ETFA: variants seen among roughly 807,000 people sequenced by gnomAD.
ETFA encodes electron transfer flavoprotein subunit alpha, mitochondrial.
In ETFA, 22 loss-of-function variants were observed where a neutral mutation model predicts 46.2. That is an observed-to-expected ratio of 0.48 (90% CI 0.34 to 0.68). ETFA has a LOEUF of 0.68. Among genes scored for constraint, ETFA ranks in the 30% least tolerant of loss-of-function variants. The pLI, the probability that ETFA is intolerant of heterozygous loss-of-function variation, is 0.01. For missense variants in ETFA, 345 were observed against 401.1 expected (o/e 0.86, Z 1.19); for synonymous variants, 131 against 139.9 (o/e 0.94, Z 0.45).
In ETFA at chr15:76,274,356, C is replaced by T. The variant is rs370465072; in HGVS notation, c.816+56G>A. 5.4e-4 allele frequency: 704 copies of T among 1,300,034 alleles called. 1 individual carries two copies. The African/African-American group carries it at 9.0e-3, about 17-fold the overall frequency. The allele number at this position is 1,300,034 out of a possible 1,614,324, so 80.5% of individuals were successfully genotyped here. ...CACTGAGATCACTGTTCAACAAATACATACAGTACTTATCCCCATAACATT... is the reference window on the plus strand; with the variant it reads ...CACTGAGATCACTGTTCAACAAATATATACAGTACTTATCCCCATAACATT... On this transcript the variant is annotated intron_variant, in intron 9 of 11. Coordinates refer to ENST00000557943, the MANE Select transcript of ETFA (RefSeq NM_000126.4).
chr15:76,289,105 G>GA (rs1555458868), intron 4 of ETFA, among the ~76,000 whole-genome samples: 2,199 of 151,826 alleles, frequency 0.014, 52 homozygotes, highest in African/African-American at 0.051. Flanking sequence ...TTTATGTTTT[G>GA]TTTTTTTCTG....
At position 76,311,458 on chromosome 15, in the gene ETFA, CAGTCACCTA is replaced by C. The variant is rs2039998333; in HGVS notation, c.-79_-71del. ...CCCGGCCAACTGGCGCCGCCTCAGC[CAGTCACCTA>C]ATGCTCGCGAGACGCGCGAACGAGA... is the stretch of plus-strand genomic sequence containing the variant. On this transcript the variant is annotated 5_prime_UTR_variant, in exon 1 of 12. It adds an upstream start codon to the 5' untranslated region. Coordinates refer to ENST00000557943, the MANE Select transcript of ETFA (RefSeq NM_000126.4). The C allele has an allele frequency of 2.0e-6, 3 of 1,528,884 alleles. No homozygotes were observed. Among genetic ancestry groups the C allele is most frequent in the Non-Finnish European group, 2.6e-6 (3 of 1,135,066 alleles). The allele number at this position is 1,528,884 out of a possible 1,614,324, so 94.7% of individuals were successfully genotyped here. A position where few individuals can be genotyped will look rare whatever the true frequency, so the allele number is the denominator to read the frequency against.
chr15:76,272,813 CATATAT>C (rs71143306), intron 9 of ETFA, among the ~76,000 whole-genome samples: 6 of 137,596 alleles, frequency 4.4e-5, no homozygotes, highest in African/African-American at 1.7e-4. Flanking sequence ...AAAATATATA[CATATAT>C]ATATATATAT....
chr15:76,251,661 T>C (rs938931497), intron 9 of ETFA, among the ~76,000 whole-genome samples: 3 of 152,134 alleles, frequency 2.0e-5, no homozygotes, highest in African/African-American at 7.2e-5. Flanking sequence ...GCTGAGCTAG[T>C]AGCACTCTAG....
intron 9 of ETFA, among the ~76,000 whole-genome samples, chr15:76,248,674 G>C (rs944443965): frequency 1.3e-5 from 2 of 151,974 alleles, no homozygotes; most frequent in Non-Finnish European, 2.9e-5. Context: ...GAACTTCCAA[G>C]AATCAGCCTG....
At chr15:76,248,090 G>A (rs986662397) in intron 9 of ETFA, among the ~76,000 whole-genome samples, 2 of 152,148 alleles carry the variant, frequency 1.3e-5, no homozygotes, top group African/African-American at 4.8e-5. Context: ...GTAACGCAGG[G>A]AACCAACAGC....
chr15:76,269,100 G>T (rs909757800), intron 9 of ETFA, among the ~76,000 whole-genome samples: 3 of 152,182 alleles, frequency 2.0e-5, no homozygotes, highest in African/African-American at 7.2e-5. Context: ...TGCAGATTTT[G>T]TTCTAATAAT....
intron 8 of ETFA, among the ~76,000 whole-genome samples, chr15:76,283,087 G>A (rs1567214768): frequency 6.6e-6 from 1 of 152,010 alleles, no homozygotes; most frequent in African/African-American, 2.4e-5. Context: ...AACTTTAAAT[G>A]TATTTCTATT....
Position 76,233,325 on chromosome 15 carries a change from C to CTTTTTTTT in ETFA, c.817-1935_817-1928dup, listed in dbSNP as rs66595585. ...TAAGATTTAGAAGTAATTCAATAGG[C>CTTTTTTTT]TTTTTTTTTTTTTTTTTTTTTTGAG... On this transcript the variant is annotated intron_variant, in intron 9 of 11. Transcript: ENST00000557943. Among the ~76,000 whole-genome samples, 117 of 84,488 alleles carry CTTTTTTTT rather than the reference C, an allele frequency of 1.4e-3. 4 individuals are homozygous for CTTTTTTTT. The Middle Eastern group carries it at 0.031, about 22-fold the overall frequency. 55.4% of individuals were successfully genotyped at this position (84,488 alleles called of 152,430 possible). A position where few individuals can be genotyped will look rare whatever the true frequency, so the allele number is the denominator to read the frequency against.
chr15:76,279,384 C>G (rs1177861814), intron 8 of ETFA, among the ~76,000 whole-genome samples: 1 of 152,114 alleles, frequency 6.6e-6, no homozygotes. Flanking sequence ...TAAGTGATTT[C>G]TCCTGCCTCA....
chr15:76,233,931 T>C (rs1478773564), intron 9 of ETFA, among the ~76,000 whole-genome samples: 2 of 152,162 alleles, frequency 1.3e-5, no homozygotes, highest in Non-Finnish European at 2.9e-5. Context: ...CTAATAAAAA[T>C]GTTGATTCAC....
intron 9 of ETFA, among the ~76,000 whole-genome samples, chr15:76,249,850 G>GT (rs2039280853): frequency 6.6e-6 from 1 of 152,066 alleles, no homozygotes. Flanking sequence ...AACTGCAAAA[G>GT]TTTTTTTAAA....
At chr15:76,287,816 G>A (rs1232335130) in intron 5 of ETFA, 30 bp downstream of exon 5, 2 of 1,387,880 alleles carry the variant, frequency 1.4e-6, no homozygotes, top group Non-Finnish European at 2.1e-6. Flanking sequence ...AATTTAACAT[G>A]TTGATTAATT....
intron 11 of ETFA, among the ~76,000 whole-genome samples, chr15:76,223,458 G>C (rs2038976877): frequency 6.6e-6 from 1 of 152,002 alleles, no homozygotes; most frequent in South Asian, 2.1e-4. Context: ...CCTGAGCTCG[G>C]GTGATCCACC....
chr15:76,294,178 C>G (rs1349645445), intron 2 of ETFA, among the ~76,000 whole-genome samples: 1 of 152,112 alleles, frequency 6.6e-6, no homozygotes, highest in Non-Finnish European at 1.5e-5. Context: ...TGATTTTTCT[C>G]AAAGTAGTAT....
intron 9 of ETFA, chr15:76,261,726 CGAGTGAG>C (rs1271447420): frequency 1.6e-5 from 4 of 249,654 alleles, no homozygotes; most frequent in Admixed American, 5.1e-5. Flanking sequence ...GCCCGGCCCA[CGAGTGAG>C]GAGGGAGGAG....
At chr15:76,241,801 CAAAAA>C (rs1165964434) in intron 9 of ETFA, among the ~76,000 whole-genome samples, 3 of 30,570 alleles carry the variant, frequency 9.8e-5, no homozygotes, top group African/African-American at 3.3e-4. Context: ...GACTCCATCT[CAAAAA>C]AAAAAAAAAA....
intron 9 of ETFA, among the ~76,000 whole-genome samples, chr15:76,254,234 A>G (rs1468404668): frequency 6.6e-6 from 1 of 152,214 alleles, no homozygotes; most frequent in Non-Finnish European, 1.5e-5. Context: ...AAAGTGAGGG[A>G]AAAATTCCAG....
Position 76,292,438 on chromosome 15 carries a change from A to C in ETFA, c.344T>G (p.Phe115Cys). 1 of 1,611,974 alleles carries C rather than the reference A, an allele frequency of 6.2e-7. No individual in the cohort carries two copies. Among genetic ancestry groups the C allele is most frequent in the Non-Finnish European group, 8.5e-7 (1 of 1,177,978 alleles). ...CATTCTCAACCTTCTCACCTTTCCG[A>C]AGGCAGATGCTCCAGCACAGATGTG... ...YTHICAGASA[F>C]GKNLLPRVAA... The change falls in exon 4 of 12, where the codon TTC becomes TGC. Residue 115 changes from phenylalanine to cysteine, a missense_variant. Transcript: ENST00000557943.
Sources: allele counts gnomAD v4.1 joint callset (sites outside exome capture counted in the v4.1 genomes callset), GRCh38; gene constraint gnomAD v4.1.1; transcripts MANE v1.5; gene names NCBI Gene and HGNC (gene_info 2026-07-23, HGNC 2026-07-21).